Variants in TSHZ3 observed in about 807,000 individuals in gnomAD.
TSHZ3 encodes the protein teashirt homolog 3.
A neutral mutation model predicts 64.5 loss-of-function variants in TSHZ3; 10 were observed. The ratio of observed to expected loss-of-function variants is 0.16; its 90% CI spans 0.10 to 0.26. The LOEUF (loss-of-function observed/expected upper bound fraction) is 0.26. Among genes scored for constraint, TSHZ3 ranks in the 10% least tolerant of loss-of-function variants. The probability of loss-of-function intolerance (pLI) is 1.00; values close to 1 mark genes in which losing one functional copy is unlikely to be tolerated. For synonymous variants in TSHZ3, 608 were observed against 593.1 expected (o/e 1.03, Z -0.36); for missense variants, 1,242 against 1,421.7 (o/e 0.87, Z 2.03).
intron 5 of TSHZ3, among the ~76,000 whole-genome samples, chr19:31,180,959 A>G (rs1420452693): frequency 6.6e-6 from 1 of 152,186 alleles, no homozygotes; most frequent in Non-Finnish European, 1.5e-5. Flanking sequence ...TTGTCAACTC[A>G]CCTGCTAATT....
At chr19:31,309,158 G>C (rs1033351528) in intron 1 of TSHZ3, among the ~76,000 whole-genome samples, 5 of 152,250 alleles carry the variant, frequency 3.3e-5, no homozygotes, top group African/African-American at 1.2e-4. Flanking sequence ...AATGCCGGAA[G>C]GCATCGCTTT....
At chr19:31,218,167 A>G (rs1303579833) in intron 4 of TSHZ3, among the ~76,000 whole-genome samples, 1 of 152,270 alleles carries the variant, frequency 6.6e-6, no homozygotes, top group Non-Finnish European at 1.5e-5. Flanking sequence ...AAGGCCTGCT[A>G]TCCAAAGTGT....
intron 1 of TSHZ3, among the ~76,000 whole-genome samples, chr19:31,328,738 C>T (rs889259750): frequency 1.3e-5 from 2 of 152,084 alleles, no homozygotes; most frequent in African/African-American, 4.8e-5. Context: ...ATATAAACTC[C>T]AAACAGATTA....
chr19:31,196,875 A>C (rs1051641966), intron 5 of TSHZ3, among the ~76,000 whole-genome samples: 2 of 151,978 alleles, frequency 1.3e-5, no homozygotes, highest in Non-Finnish European at 2.9e-5. Flanking sequence ...AGACTTCAAC[A>C]CTCTTCTATC....
At chr19:31,263,615 T>G (rs2145200540) in intron 1 of TSHZ3, among the ~76,000 whole-genome samples, 1 of 152,218 alleles carries the variant, frequency 6.6e-6, no homozygotes, top group South Asian at 2.1e-4. Context: ...GATGTCATTT[T>G]GTGCGGGGCC....
chr19:31,287,479 G>A (rs1976482472), intron 1 of TSHZ3, among the ~76,000 whole-genome samples: 1 of 152,062 alleles, frequency 6.6e-6, no homozygotes, highest in South Asian at 2.1e-4. Flanking sequence ...GAGAGGAAGA[G>A]GCAGGGAAAG....
Position 31,276,456 on chromosome 19 carries a change from G to T in TSHZ3, c.*91C>A. ...TTCTCTGCAGTTAAAATAAGAACAT[G>T]TGCCAAGAACAACAAGTCAGAGGGG... On this transcript the variant is annotated 3_prime_UTR_variant, in exon 2 of 2. Coordinates refer to ENST00000240587, the MANE Select transcript of TSHZ3 (RefSeq NM_020856.4). 1 of 1,223,150 alleles carries T rather than the reference G, an allele frequency of 8.2e-7. No homozygotes were observed. The allele number at this position is 1,223,150 out of a possible 1,614,324, so 75.8% of individuals were successfully genotyped here.
At chr19:31,181,106 G>T (rs537979991) in intron 5 of TSHZ3, among the ~76,000 whole-genome samples, 3 of 152,174 alleles carry the variant, frequency 2.0e-5, no homozygotes, top group East Asian at 1.9e-4. Context: ...TGACACCAAG[G>T]TTTTTAACTC....
At chr19:31,217,478 A>C (rs1172031516) in intron 4 of TSHZ3, among the ~76,000 whole-genome samples, 3 of 152,228 alleles carry the variant, frequency 2.0e-5, no homozygotes. Context: ...ACCTTTAAAA[A>C]AAAATAAACT....
intron 6 of TSHZ3, among the ~76,000 whole-genome samples, chr19:31,155,340 C>T (rs1019274021): frequency 8.5e-5 from 13 of 152,226 alleles, no homozygotes; most frequent in African/African-American, 2.9e-4. Context: ...GATGCTGGAA[C>T]TGTGCCTTCA....
At chr19:31,312,302 CTGTCCATGGGGCTAATGACTGTGT>C (rs1215572531) in intron 1 of TSHZ3, among the ~76,000 whole-genome samples, 1 of 152,202 alleles carries the variant, frequency 6.6e-6, no homozygotes, top group Non-Finnish European at 1.5e-5. Flanking sequence ...TAGAGCTATG[CTGTCCATGGGGCTAATGACTGTGT>C]TGTCCATGGG....
At chr19:31,251,083 G>A (rs1009699336) in intron 1 of TSHZ3, among the ~76,000 whole-genome samples, 1 of 152,142 alleles carries the variant, frequency 6.6e-6, no homozygotes, top group Non-Finnish European at 1.5e-5. Context: ...TGGAGTTAGG[G>A]TGGCTCTTGA....
intron 1 of TSHZ3, among the ~76,000 whole-genome samples, chr19:31,307,082 C>A (rs1324299420): frequency 2.0e-5 from 3 of 152,024 alleles, no homozygotes; most frequent in African/African-American, 7.2e-5. Flanking sequence ...CCCACCAAAG[C>A]CTTGTAAATA....
At chr19:31,176,039 G>A (rs1219668280) in intron 5 of TSHZ3, among the ~76,000 whole-genome samples, 1 of 152,252 alleles carries the variant, frequency 6.6e-6, no homozygotes, top group East Asian at 1.9e-4. Context: ...GGTCTGAGGG[G>A]AAAGTTCTGT....
At chr19:31,235,768 T>G (rs1369495944) in intron 3 of TSHZ3, among the ~76,000 whole-genome samples, 1 of 146,814 alleles carries the variant, frequency 6.8e-6, no homozygotes, top group Non-Finnish European at 1.5e-5. Flanking sequence ...TGGAGTGCAG[T>G]GGCACGATCT....
intron 1 of TSHZ3, chr19:31,348,768 C>G (rs1599665484): frequency 5.2e-6 from 1 of 191,616 alleles, no homozygotes; most frequent in Admixed American, 6.2e-5. Context: ...CGCTCCCTGG[C>G]TCGGCGGACA....
intron 1 of TSHZ3, among the ~76,000 whole-genome samples, chr19:31,327,970 GACA>G (rs1916978443): frequency 2.6e-5 from 4 of 152,190 alleles, no homozygotes; most frequent in African/African-American, 7.2e-5. Context: ...TAAGGCATTT[GACA>G]ACATCATTCT....
chr19:31,341,630 GACACACACACACACACACACACACAC>G (rs57786287), intron 1 of TSHZ3, among the ~76,000 whole-genome samples: 2 of 138,088 alleles, frequency 1.4e-5, no homozygotes, highest in East Asian at 2.2e-4. Flanking sequence ...CTCTCTCTCT[GACACACACACACACACACACACACAC>G]ACACACACAC....
chr19:31,198,217 A>G (rs1311275272), intron 5 of TSHZ3, among the ~76,000 whole-genome samples: 1 of 152,164 alleles, frequency 6.6e-6, no homozygotes, highest in East Asian at 1.9e-4. Context: ...ATATCAATAG[A>G]TGCATACAAA....
Sources: allele counts gnomAD v4.1 joint callset (sites outside exome capture counted in the v4.1 genomes callset), GRCh38; gene constraint gnomAD v4.1.1; transcripts MANE v1.5; gene names NCBI Gene and HGNC (gene_info 2026-07-23, HGNC 2026-07-21).